SLC27A2: variants seen among roughly 807,000 people sequenced by gnomAD.
SLC27A2 encodes solute carrier family 27 member 2.
SLC27A2 carries 54 observed loss-of-function variants against 60.0 expected under a neutral mutation model. That is an observed-to-expected ratio of 0.90 (90% CI 0.72 to 1.13). SLC27A2 has a LOEUF of 1.13. SLC27A2 is among the 50% of genes most tolerant of loss of function. SLC27A2 has a pLI of 0.00. For missense variants in SLC27A2, 739 were observed against 777.6 expected (o/e 0.95, Z 0.59); for synonymous variants, 297 against 297.6 (o/e 1.00, Z 0.02).
chr15:50,221,195 G>A (rs532725090), intron 4 of SLC27A2, among the ~76,000 whole-genome samples: 47 of 146,744 alleles, frequency 3.2e-4, no homozygotes, highest in Admixed American at 1.6e-3. Context: ...ACCCTGTCTC[G>A]AAAAAAAAAA....
At chr15:50,231,626 C>A (rs1241796026) in intron 8 of SLC27A2, among the ~76,000 whole-genome samples, 1 of 152,136 alleles carries the variant, frequency 6.6e-6, no homozygotes, top group Non-Finnish European at 1.5e-5. Flanking sequence ...TCTAATGGAC[C>A]AGAAGCTCTG....
chr15:50,221,598 T>C (rs1375897659), intron 4 of SLC27A2, among the ~76,000 whole-genome samples: 1 of 152,244 alleles, frequency 6.6e-6, no homozygotes, highest in East Asian at 1.9e-4. Context: ...CAAAGAGTAA[T>C]TCTTATTCCA....
intron 2 of SLC27A2, 34 bp from the exon 3 acceptor site, chr15:50,202,453 G>A (rs1200972906): frequency 1.2e-6 from 2 of 1,611,644 alleles, no homozygotes; most frequent in Non-Finnish European, 1.7e-6. Context: ...CCCAATCTTG[G>A]TTAACTCATG....
intron 1 of SLC27A2, 144 bp from the exon 2 acceptor site, chr15:50,197,356 G>A: frequency 1.7e-6 from 1 of 577,262 alleles, no homozygotes. Flanking sequence ...AATATAAAAT[G>A]CATAACGATA....
At chr15:50,204,752 G>A (rs889789526) in intron 3 of SLC27A2, among the ~76,000 whole-genome samples, 1 of 150,230 alleles carries the variant, frequency 6.7e-6, no homozygotes, top group Non-Finnish European at 1.5e-5. Context: ...AAAAAAAATA[G>A]AGCAAGACTC....
chr15:50,186,896 G>T (rs965582871), intron 1 of SLC27A2, among the ~76,000 whole-genome samples: 1 of 152,206 alleles, frequency 6.6e-6, no homozygotes, highest in Non-Finnish European at 1.5e-5. Flanking sequence ...TCTTGAACAT[G>T]ATACATAAAT....
intron 1 of SLC27A2, among the ~76,000 whole-genome samples, chr15:50,183,530 C>T (rs72737046): frequency 0.091 from 13,849 of 152,222 alleles, 840 homozygotes; most frequent in Middle Eastern, 0.14. Flanking sequence ...GCTACAGGAC[C>T]GTTGTGAGCC....
intron 8 of SLC27A2, among the ~76,000 whole-genome samples, chr15:50,231,624 A>T (rs1345275246): frequency 6.6e-6 from 1 of 152,188 alleles, no homozygotes; most frequent in African/African-American, 2.4e-5. Context: ...GATCTAATGG[A>T]CCAGAAGCTC....
chr15:50,187,544 GT>G (rs2044934962), intron 1 of SLC27A2, among the ~76,000 whole-genome samples: 2 of 152,082 alleles, frequency 1.3e-5, no homozygotes, highest in Admixed American at 1.3e-4. Flanking sequence ...TCTCCTGAGG[GT>G]CCCTTCATCA....
chr15:50,227,071 G>C lies in SLC27A2; in HGVS notation c.1350G>C (p.Leu450=), dbSNP rs2045283625. The C allele has an allele frequency of 6.2e-7, 1 of 1,614,132 alleles. No individual in the cohort carries two copies. The change falls in exon 7 of 10, where the codon CTG becomes CTC. Residue 450 remains leucine (L), a synonymous_variant. Coordinates refer to ENST00000267842, the MANE Select transcript of SLC27A2 (RefSeq NM_003645.4). The part of the protein sequence containing the change: ...GAKAQTEKKK[L]RDVFKKGDLY... ...AGGCTCAGACAGAGAAGAAAAAACT[G>C]AGAGATGTCTTTAAGAAAGGAGACC...
chr15:50,210,217 T>C (rs143958768), intron 4 of SLC27A2, among the ~76,000 whole-genome samples: 474 of 152,316 alleles, frequency 3.1e-3, no homozygotes, highest in African/African-American at 0.011. Flanking sequence ...TAGCTCCAGC[T>C]TGACTGCAAG....
At chr15:50,201,217 C>T (rs767073491) in intron 2 of SLC27A2, among the ~76,000 whole-genome samples, 1 of 152,144 alleles carries the variant, frequency 6.6e-6, no homozygotes, top group Non-Finnish European at 1.5e-5. Context: ...CTCCTGGGCT[C>T]AAGCGATCCT....
chr15:50,202,725 A>G, intron 3 of SLC27A2, 80 bp downstream of exon 3: 1 of 1,473,128 alleles, frequency 6.8e-7, no homozygotes, highest in Non-Finnish European at 9.4e-7. Context: ...AAATTTGGCT[A>G]CGTTGCTGTC....
At chr15:50,202,746 A>G in intron 3 of SLC27A2, 101 bp downstream of exon 3, 2 of 1,210,796 alleles carry the variant, frequency 1.7e-6, no homozygotes, top group Admixed American at 2.0e-5. Context: ...TGCTAGGAAC[A>G]GTTTTCAATT....
intron 4 of SLC27A2, among the ~76,000 whole-genome samples, chr15:50,212,303 A>C (rs924867753): frequency 6.6e-6 from 1 of 152,184 alleles, no homozygotes; most frequent in African/African-American, 2.4e-5. Context: ...TAGGATTAAA[A>C]GACCAAACCT....
chr15:50,236,306 G>C lies in SLC27A2; in HGVS notation c.*210G>C, dbSNP rs1287201530. The C allele has an allele frequency of 7.3e-6, 3 of 410,662 alleles. No homozygotes were observed. Among genetic ancestry groups the C allele is most frequent in the African/African-American group, 6.2e-5 (3 of 48,778 alleles). The allele number at this position is 410,662 out of a possible 1,614,324, so 25.4% of individuals were successfully genotyped here. ...ATTTTTCAGTGTGCACCTACTGTTT[G>C]TATTTGCAAACTGAGCTTGTTGGAG... On this transcript the variant is annotated 3_prime_UTR_variant, in exon 10 of 10. Transcript: ENST00000267842.
chr15:50,186,185 A>G (rs969299482), intron 1 of SLC27A2, among the ~76,000 whole-genome samples: 3 of 152,116 alleles, frequency 2.0e-5, no homozygotes, highest in Non-Finnish European at 2.9e-5. Context: ...TTGAGGCTGC[A>G]CTGAGCTCTG....
At chr15:50,209,829 T>A (rs2045140519) in intron 4 of SLC27A2, among the ~76,000 whole-genome samples, 1 of 152,148 alleles carries the variant, frequency 6.6e-6, no homozygotes, top group South Asian at 2.1e-4. Context: ...CTTTCACCTC[T>A]TGGAAGTCAC....
intron 2 of SLC27A2, among the ~76,000 whole-genome samples, chr15:50,201,482 A>G (rs1389685339): frequency 1.3e-5 from 2 of 152,228 alleles, no homozygotes. Flanking sequence ...GGAAATCTTT[A>G]TGTACAAACA....
Sources: gnomAD v4.1 joint callset for allele counts (sites outside exome capture counted in the v4.1 genomes callset) on GRCh38, gnomAD v4.1.1 for gene constraint, MANE v1.5 for transcripts, NCBI Gene and HGNC (gene_info 2026-07-23, HGNC 2026-07-21) for gene names.